SAMSN1: variants seen among roughly 807,000 people sequenced by gnomAD.
SAMSN1 encodes SAM domain, SH3 domain and nuclear localization signals 1.
A neutral mutation model predicts 42.0 loss-of-function variants in SAMSN1; 31 were observed. The observed-to-expected ratio is 0.74, with a 90% CI of 0.55 to 1.00. The LOEUF (loss-of-function observed/expected upper bound fraction) is 1.00. Ranked by LOEUF, SAMSN1 falls within the 50% of genes least tolerant of loss-of-function variation. The pLI is 0.00. For missense variants in SAMSN1, 464 were observed against 439.4 expected, an observed-to-expected ratio of 1.06 and a Z score of -0.50; for synonymous variants, 178 against 151.9, an observed-to-expected ratio of 1.17 and a Z score of -1.26.
intron 3 of SAMSN1, among the ~76,000 whole-genome samples, chr21:14,615,307 G>A (rs1377731204): frequency 9.1e-6 from 1 of 109,926 alleles, no homozygotes; most frequent in Non-Finnish European, 1.9e-5. Flanking sequence ...CTTTAAGCAG[G>A]GGGAATAAAA....
At chr21:14,593,303 C>T (rs879563842) in intron 7 of SAMSN1, among the ~76,000 whole-genome samples, 2 of 152,052 alleles carry the variant, frequency 1.3e-5, no homozygotes, top group African/African-American at 2.4e-5. Context: ...AAGTTGCAAA[C>T]ATTAGCTTGT....
At chr21:14,493,231 C>T (rs1986770637) in intron 7 of SAMSN1, among the ~76,000 whole-genome samples, 1 of 152,186 alleles carries the variant, frequency 6.6e-6, no homozygotes, top group South Asian at 2.1e-4. Flanking sequence ...CCTTCCTCCT[C>T]ATTTGGCACT....
intron 6 of SAMSN1, among the ~76,000 whole-genome samples, chr21:14,499,034 T>A (rs1987025383): frequency 6.6e-6 from 1 of 152,208 alleles, no homozygotes; most frequent in Non-Finnish European, 1.5e-5. Flanking sequence ...GCATCTACTC[T>A]CAAAACATTC....
chr21:14,618,005 G>A (rs935217223), intron 2 of SAMSN1, among the ~76,000 whole-genome samples: 8 of 152,154 alleles, frequency 5.3e-5, no homozygotes, highest in Admixed American at 1.3e-4. Flanking sequence ...ATTAGCTTCC[G>A]GTTTGAAGTT....
At chr21:14,570,114 G>T (rs749112566) in intron 2 of SAMSN1, among the ~76,000 whole-genome samples, 16 of 151,956 alleles carry the variant, frequency 1.1e-4, no homozygotes, top group Admixed American at 9.8e-4. Flanking sequence ...TGCCCTTTGC[G>T]GGTGACTGCG....
chr21:14,559,748 C>T (rs2123195390), intron 2 of SAMSN1, among the ~76,000 whole-genome samples: 1 of 152,136 alleles, frequency 6.6e-6, no homozygotes, highest in Admixed American at 6.5e-5. Flanking sequence ...TCAATTTATC[C>T]TCCCATTTCT....
At chr21:14,537,318 C>T (rs1979690904) in intron 1 of SAMSN1, among the ~76,000 whole-genome samples, 1 of 152,164 alleles carries the variant, frequency 6.6e-6, no homozygotes, top group African/African-American at 2.4e-5. Context: ...TTTCCAATGT[C>T]CCATTCTCAC....
At chr21:14,530,456 A>G (rs1447352498) in intron 1 of SAMSN1, among the ~76,000 whole-genome samples, 1 of 152,194 alleles carries the variant, frequency 6.6e-6, no homozygotes, top group Admixed American at 6.5e-5. Flanking sequence ...TGTGTCTAGT[A>G]TCTAATATAA....
chr21:14,581,382 C>T (rs1981722396), intron 2 of SAMSN1, among the ~76,000 whole-genome samples: 2 of 12,946 alleles, frequency 1.5e-4, no homozygotes, highest in South Asian at 2.5e-3. Context: ...TTTTTGAGGA[C>T]GAGTCTTGCT....
At chr21:14,619,930 G>A (rs1225072346) in intron 2 of SAMSN1, among the ~76,000 whole-genome samples, 2 of 149,284 alleles carry the variant, frequency 1.3e-5, no homozygotes, top group African/African-American at 2.6e-5. Flanking sequence ...TGAGTATAGA[G>A]CAGAATACCT....
intron 1 of SAMSN1, among the ~76,000 whole-genome samples, chr21:14,657,682 A>G (rs1983938457): frequency 6.6e-6 from 1 of 151,788 alleles, no homozygotes. Context: ...CACTTAAATC[A>G]CCTGAAATGG....
intron 2 of SAMSN1, among the ~76,000 whole-genome samples, chr21:14,571,797 G>A (rs1047276292): frequency 1.4e-4 from 22 of 152,086 alleles, no homozygotes; most frequent in South Asian, 1.2e-3. Flanking sequence ...TCTTCTTTTT[G>A]TCTGTTTTCC....
intron 1 of SAMSN1, among the ~76,000 whole-genome samples, chr21:14,534,210 CATT>C (rs1428046922): frequency 2.0e-5 from 3 of 152,202 alleles, no homozygotes; most frequent in Non-Finnish European, 4.4e-5. Context: ...ATTTCACACT[CATT>C]ATACATATAT....
At chr21:14,646,959 G>T (rs1347907832) in intron 1 of SAMSN1, among the ~76,000 whole-genome samples, 2 of 152,124 alleles carry the variant, frequency 1.3e-5, no homozygotes, top group African/African-American at 2.4e-5. Context: ...CATGTCTCCA[G>T]ACAAAGTCAC....
chr21:14,624,671 G>A (rs745995861), intron 2 of SAMSN1, among the ~76,000 whole-genome samples: 5 of 152,160 alleles, frequency 3.3e-5, no homozygotes, highest in Admixed American at 1.3e-4. Context: ...GGACCAGATG[G>A]ATTCACAGCC....
chr21:14,598,578 T>C (rs1011721892), intron 6 of SAMSN1, among the ~76,000 whole-genome samples: 1 of 152,146 alleles, frequency 6.6e-6, no homozygotes, highest in African/African-American at 2.4e-5. Flanking sequence ...TATGCAGAAA[T>C]ATACGTGGGG....
At chr21:14,520,419 T>C (rs755858224) in intron 2 of SAMSN1, among the ~76,000 whole-genome samples, 1 of 152,248 alleles carries the variant, frequency 6.6e-6, no homozygotes, top group Non-Finnish European at 1.5e-5. Context: ...TGTGTACATA[T>C]ATGTATACTC....
intron 2 of SAMSN1, among the ~76,000 whole-genome samples, chr21:14,577,249 T>A (rs1981511201): frequency 3.1e-5 from 1 of 32,516 alleles, no homozygotes; most frequent in Non-Finnish European, 5.2e-5. Flanking sequence ...TATATATATA[T>A]ATATATATAT....
intron 2 of SAMSN1, 115 bp downstream of exon 2, chr21:14,521,035 T>C (rs1445493463): frequency 1.5e-6 from 1 of 685,624 alleles, no homozygotes; most frequent in African/African-American, 1.8e-5. Context: ...TATGCAAGGC[T>C]ATAATTTTAA....
Sources: allele counts gnomAD v4.1 joint callset (sites outside exome capture counted in the v4.1 genomes callset), GRCh38; gene constraint gnomAD v4.1.1; transcripts MANE v1.5; gene names NCBI Gene and HGNC (gene_info 2026-07-23, HGNC 2026-07-21).